LYSMD2: variants seen among roughly 807,000 people sequenced by gnomAD.
LYSMD2 encodes the protein LysM domain containing 2.
Under a neutral mutation model 17.7 loss-of-function variants are expected in LYSMD2, and 6 were observed. That is an observed-to-expected ratio of 0.34 (90% CI 0.19 to 0.67). LYSMD2 has a LOEUF of 0.67. Ranked by LOEUF, LYSMD2 falls within the 30% of genes least tolerant of loss-of-function variation. The pLI is 0.69. For synonymous variants in LYSMD2, 102 were observed against 129.8 expected (o/e 0.79, Z 1.45); for missense variants, 237 against 286.7 (o/e 0.83, Z 1.25).
intron 1 of LYSMD2, among the ~76,000 whole-genome samples, chr15:51,747,544 G>A (rs1025835103): frequency 3.3e-5 from 5 of 152,176 alleles, no homozygotes; most frequent in African/African-American, 1.2e-4. Flanking sequence ...CAAATATTCT[G>A]TGTTCACATT....
At chr15:51,741,377 A>G (rs1463520569), upstream of LYSMD2, among the ~76,000 whole-genome samples, 1 of 152,258 alleles carries the variant, frequency 6.6e-6, no homozygotes, top group African/African-American at 2.4e-5. Context: ...GATTAAAGAC[A>G]TAATTGGGAA....
intron 1 of LYSMD2, among the ~76,000 whole-genome samples, chr15:51,728,287 C>T (rs1167602287): frequency 2.0e-5 from 3 of 151,684 alleles, no homozygotes; most frequent in African/African-American, 4.8e-5. Flanking sequence ...GGCGTGGTGG[C>T]GCATGTCTGT....
chr15:51,736,176 C>T (rs1293471880), intron 1 of LYSMD2, among the ~76,000 whole-genome samples: 1 of 152,186 alleles, frequency 6.6e-6, no homozygotes, highest in Non-Finnish European at 1.5e-5. Flanking sequence ...ACAAGACAAA[C>T]GCAATGCCTG....
chr15:51,731,968 G>C (rs779815164), intron 1 of LYSMD2, among the ~76,000 whole-genome samples: 1 of 152,108 alleles, frequency 6.6e-6, no homozygotes, highest in Non-Finnish European at 1.5e-5. Flanking sequence ...TATATTTAAC[G>C]GTTACTCAAC....
At chr15:51,730,220 C>T (rs1197125378) in intron 1 of LYSMD2, among the ~76,000 whole-genome samples, 1 of 152,162 alleles carries the variant, frequency 6.6e-6, no homozygotes, top group Non-Finnish European at 1.5e-5. Flanking sequence ...CTGAAAATGA[C>T]TCCCCAGCCA....
Position 51,732,869 on chromosome 15 carries a change from CA to C in LYSMD2, c.273+4480del, listed in dbSNP as rs377115804. ...CCACCTGCATTACTGCAAAAGCCACCATCTTATCTGGTTTCCTTGCTTGGTA... is the reference window on the plus strand; with the variant it reads ...CCACCTGCATTACTGCAAAAGCCACCTCTTATCTGGTTTCCTTGCTTGGTA... On this transcript the variant is annotated intron_variant, in intron 1 of 2. Coordinates refer to ENST00000267838, the MANE Select transcript of LYSMD2 (RefSeq NM_153374.3). Among the ~76,000 whole-genome samples, 253 of 152,360 alleles carry C rather than the reference CA, an allele frequency of 1.7e-3. 1 individual carries two copies. Among genetic ancestry groups the C allele is most frequent in the African/African-American group, 5.8e-3 (241 of 41,580 alleles).
At chr15:51,725,213 C>A (rs996944740) in intron 1 of LYSMD2, 92 bp from the exon 2 acceptor site, 2 of 752,382 alleles carry the variant, frequency 2.7e-6, no homozygotes, top group Non-Finnish European at 4.2e-6. Context: ...TATTCATAAG[C>A]AAAATGTACA....
At chr15:51,749,008 A>G (rs1011577290) in intron 1 of LYSMD2, among the ~76,000 whole-genome samples, 38 of 152,258 alleles carry the variant, frequency 2.5e-4, no homozygotes, top group African/African-American at 9.2e-4. Context: ...CAGTCAATAT[A>G]TCAGCTTCCT....
chr15:51,748,321 GA>G (rs10718299), intron 1 of LYSMD2, among the ~76,000 whole-genome samples: 70,438 of 142,416 alleles, frequency 0.49, 17,222 homozygotes, highest in Admixed American at 0.55. Flanking sequence ...GGAGGTTACA[GA>G]AACTTGGCCA....
intron 1 of LYSMD2, among the ~76,000 whole-genome samples, chr15:51,731,263 T>C (rs964093171): frequency 6.6e-6 from 1 of 152,196 alleles, no homozygotes; most frequent in East Asian, 1.9e-4. Context: ...AAAAAAATAA[T>C]GAGAATCTAC....
chr15:51,740,395 T>A (rs1014251611), upstream of LYSMD2, among the ~76,000 whole-genome samples: 1 of 152,252 alleles, frequency 6.6e-6, no homozygotes, highest in Admixed American at 6.5e-5. Context: ...ACATAGAAGT[T>A]CATCACAATT....
intron 1 of LYSMD2, among the ~76,000 whole-genome samples, chr15:51,733,059 C>T (rs1313969314): frequency 1.3e-5 from 2 of 152,182 alleles, no homozygotes; most frequent in Non-Finnish European, 2.9e-5. Context: ...TGATCTAGTC[C>T]AACTATACCC....
chr15:51,748,663 C>A (rs544921879), intron 1 of LYSMD2, among the ~76,000 whole-genome samples: 3 of 152,290 alleles, frequency 2.0e-5, no homozygotes, highest in South Asian at 2.1e-4. Flanking sequence ...ATATGGCCGA[C>A]CCAGATTCAT....
At chr15:51,751,390 T>C (rs1314836576) in exon 1 of LYSMD2, 1 of 701,794 alleles carries the variant, frequency 1.4e-6, no homozygotes, top group Non-Finnish European at 2.6e-6. Flanking sequence ...CCAAAGAGCC[T>C]GCCCAGGCTT....
chr15:51,732,783 C>G (rs954312077), intron 1 of LYSMD2, among the ~76,000 whole-genome samples: 2 of 152,210 alleles, frequency 1.3e-5, no homozygotes, highest in African/African-American at 4.8e-5. Context: ...CATCCAGACC[C>G]CAGCCACATC....
upstream of LYSMD2, among the ~76,000 whole-genome samples, chr15:51,739,593 G>A (rs140912515): frequency 3.2e-3 from 493 of 152,180 alleles, 8 homozygotes; most frequent in African/African-American, 0.011. Context: ...AGCATATAAT[G>A]TTTTCCACTA....
At chr15:51,727,531 C>T (rs909220271) in intron 1 of LYSMD2, among the ~76,000 whole-genome samples, 1 of 152,216 alleles carries the variant, frequency 6.6e-6, no homozygotes, top group African/African-American at 2.4e-5. Context: ...AAACTCTCTT[C>T]GGCCACATCC....
intron 1 of LYSMD2, among the ~76,000 whole-genome samples, chr15:51,730,234 G>A (rs138154369): frequency 9.2e-5 from 14 of 152,224 alleles, no homozygotes; most frequent in African/African-American, 2.2e-4. Context: ...CCAGCCAGGC[G>A]TGGTGGCTCA....
At chr15:51,744,300 T>C (rs1352424427) in intron 1 of LYSMD2, among the ~76,000 whole-genome samples, 4 of 152,164 alleles carry the variant, frequency 2.6e-5, no homozygotes, top group South Asian at 2.1e-4. Flanking sequence ...CTTTATCAAA[T>C]TGAGGAAGTA....
Sources: gnomAD v4.1 joint callset for allele counts (sites outside exome capture counted in the v4.1 genomes callset) on GRCh38, gnomAD v4.1.1 for gene constraint, MANE v1.5 for transcripts, NCBI Gene and HGNC (gene_info 2026-07-23, HGNC 2026-07-21) for gene names.